Variants in ITGA11 observed in about 807,000 individuals in gnomAD.
ITGA11 encodes integrin subunit alpha 11, also known as integrin alpha-11.
Under a neutral mutation model 141.9 loss-of-function variants are expected in ITGA11, and 97 were observed. That is an observed-to-expected ratio of 0.68 (90% CI 0.58 to 0.81). The LOEUF is 0.81. Among genes scored for constraint, ITGA11 ranks in the 30% least tolerant of loss-of-function variants. The pLI, the probability that ITGA11 is intolerant of heterozygous loss-of-function variation, is 0.00. For synonymous variants in ITGA11, 658 were observed against 624.6 expected, an observed-to-expected ratio of 1.05 and a Z score of -0.80; for missense variants, 1,387 against 1,559.2, an observed-to-expected ratio of 0.89 and a Z score of 1.86.
intron 2 of ITGA11, among the ~76,000 whole-genome samples, chr15:68,380,118 T>C (rs1895821763): frequency 6.6e-6 from 1 of 152,176 alleles, no homozygotes; most frequent in African/African-American, 2.4e-5. Flanking sequence ...AATGTCAGGA[T>C]TGGCCCCAAA....
chr15:68,336,148 C>G (rs1414372428), intron 11 of ITGA11: 3 of 429,422 alleles, frequency 7.0e-6, no homozygotes, highest in African/African-American at 5.9e-5. Flanking sequence ...GCACACATCC[C>G]TCCTTCACCT....
intron 4 of ITGA11, chr15:68,362,074 G>T (rs1238322603): frequency 4.5e-5 from 8 of 176,864 alleles, no homozygotes; most frequent in African/African-American, 1.9e-4. Context: ...ACACTTCAAG[G>T]GTCACTAGAA....
At chr15:68,379,535 C>A (rs1168259617) in intron 2 of ITGA11, among the ~76,000 whole-genome samples, 1 of 152,232 alleles carries the variant, frequency 6.6e-6, no homozygotes, top group Non-Finnish European at 1.5e-5. Flanking sequence ...TGCATCTTCA[C>A]TTTGCTTCTT....
chr15:68,406,843 G>A (rs1056880195), intron 1 of ITGA11, among the ~76,000 whole-genome samples: 2 of 152,126 alleles, frequency 1.3e-5, no homozygotes, highest in South Asian at 2.1e-4. Flanking sequence ...TTCCAGGCAC[G>A]ATCCTAGGCA....
At chr15:68,357,602 C>T (rs1375149702) in intron 6 of ITGA11, among the ~76,000 whole-genome samples, 1 of 152,204 alleles carries the variant, frequency 6.6e-6, no homozygotes, top group African/African-American at 2.4e-5. Flanking sequence ...AGCAGAGAAT[C>T]AGTCTAAGTC....
At chr15:68,417,761 G>T (rs1896921218) in intron 1 of ITGA11, among the ~76,000 whole-genome samples, 1 of 152,186 alleles carries the variant, frequency 6.6e-6, no homozygotes, top group Non-Finnish European at 1.5e-5. Context: ...AGTCCCCTTT[G>T]TCTGGAACAT....
At chr15:68,363,729 CAGA>C (rs2140352422) in intron 4 of ITGA11, among the ~76,000 whole-genome samples, 1 of 152,316 alleles carries the variant, frequency 6.6e-6, no homozygotes, top group South Asian at 2.1e-4. Flanking sequence ...CCATCAGTCT[CAGA>C]AGGATCCTGT....
At chr15:68,356,922 G>A (rs1347828597) in intron 7 of ITGA11, among the ~76,000 whole-genome samples, 2 of 152,156 alleles carry the variant, frequency 1.3e-5, no homozygotes, top group South Asian at 2.1e-4. Context: ...TGACAGCCAC[G>A]TGAGAACCTT....
chr15:68,396,400 T>C (rs1032060357), intron 2 of ITGA11, among the ~76,000 whole-genome samples: 2 of 151,976 alleles, frequency 1.3e-5, no homozygotes, highest in Non-Finnish European at 2.9e-5. Context: ...TAGAAAGCTA[T>C]GAATAGAAAA....
In ITGA11 at chr15:68,427,034, A is replaced by C. The variant is rs866588570; in HGVS notation, c.52+4981T>G. On this transcript the variant is annotated intron_variant, in intron 1 of 29. Coordinates refer to ENST00000315757, the MANE Select transcript of ITGA11 (RefSeq NM_001004439.2). The stretch of plus-strand genomic sequence containing the variant: ...TCTCAAAAAAAAAAAAAAAAAAAAA[A>C]AAAAAAAGGCAGTGGCCTGGGGGTC... Among the ~76,000 whole-genome samples the C allele has an allele frequency of 4.6e-5, 7 of 150,894 alleles. No homozygotes were observed. The South Asian group carries it at 1.5e-3, about 32-fold the overall frequency.
Position 68,407,150 on chromosome 15 carries a change from G to A in ITGA11, c.53-4121C>T, listed in dbSNP as rs141966279. 5.5e-3 allele frequency among the ~76,000 whole-genome samples: 840 copies of A among 152,202 alleles called. 11 individuals carry two copies. Among genetic ancestry groups the A allele is most frequent in the African/African-American group, 0.019 (774 of 41,520 alleles). ...TGCCTTTGGGTTCCAGCAGGGAGACGCAATGGGAGGGAAAGCCAGCTGCCT... is the reference window on the plus strand; with the variant it reads ...TGCCTTTGGGTTCCAGCAGGGAGACACAATGGGAGGGAAAGCCAGCTGCCT... On this transcript the variant is annotated intron_variant, in intron 1 of 29. Coordinates refer to ENST00000315757, the MANE Select transcript of ITGA11 (RefSeq NM_001004439.2).
chr15:68,383,351 G>T (rs1895908770), intron 2 of ITGA11, among the ~76,000 whole-genome samples: 1 of 152,066 alleles, frequency 6.6e-6, no homozygotes, highest in Non-Finnish European at 1.5e-5. Context: ...TTAGAAAGAG[G>T]TATTTTATCC....
chr15:68,430,578 G>T (rs1010535206), intron 1 of ITGA11, among the ~76,000 whole-genome samples: 2 of 152,196 alleles, frequency 1.3e-5, no homozygotes, highest in Non-Finnish European at 2.9e-5. Flanking sequence ...TCACACAGGA[G>T]TGCGTCTCTT....
intron 14 of ITGA11, among the ~76,000 whole-genome samples, chr15:68,331,460 C>T (rs1224883211): frequency 1.3e-5 from 2 of 152,004 alleles, no homozygotes; most frequent in South Asian, 2.1e-4. Context: ...GGACGGGACC[C>T]GAGACGGGTT....
rs867349558 is a variant in ITGA11 at position 68,391,301 on chromosome 15, C to T, written c.164+11617G>A. Among the ~76,000 whole-genome samples the T allele has an allele frequency of 9.8e-5, 15 of 152,320 alleles. No homozygotes were observed. The South Asian group carries it at 1.0e-3, about 11-fold the overall frequency. On this transcript the variant is annotated intron_variant, in intron 2 of 29. Transcript: ENST00000315757. ...CTGCAATGGGTGGGACCCTGCCCAC[C>T]TGGGGCACCATTTCTCTCCCACAAT... is the stretch of plus-strand genomic sequence containing the variant.
chr15:68,406,866 T>C (rs1372398060), intron 1 of ITGA11, among the ~76,000 whole-genome samples: 1 of 151,892 alleles, frequency 6.6e-6, no homozygotes, highest in East Asian at 1.9e-4. Flanking sequence ...TAACCGTGAG[T>C]TTTACATTAA....
In ITGA11 at chr15:68,302,109, T is replaced by G; in HGVS notation, c.*950A>C. ...GTGTGTGTGTGTGTGTGTGTGTGTG[T>G]GTGTGTAGGGAGGGGGTGATACAGG... On this transcript the variant is annotated 3_prime_UTR_variant, in exon 30 of 30. Coordinates refer to ENST00000315757, the MANE Select transcript of ITGA11 (RefSeq NM_001004439.2). The G allele has an allele frequency of 2.7e-5, 3 of 109,770 alleles. No homozygotes were observed. The highest frequency in any genetic ancestry group is 1.1e-4 in the African/African-American group (3 of 27,922). 6.8% of individuals were successfully genotyped at this position (109,770 alleles called of 1,614,324 possible).
At chr15:68,346,082 T>C (rs1894734430) in intron 10 of ITGA11, among the ~76,000 whole-genome samples, 1 of 145,868 alleles carries the variant, frequency 6.9e-6, no homozygotes, top group Non-Finnish European at 1.5e-5. Context: ...AACTAGGGTA[T>C]GAGGAAGAGT....
chr15:68,412,479 C>T (rs962522784), intron 1 of ITGA11, among the ~76,000 whole-genome samples: 2 of 151,976 alleles, frequency 1.3e-5, no homozygotes, highest in African/African-American at 4.8e-5. Flanking sequence ...GCCAGGCACC[C>T]AACATGGATT....
Sources: gnomAD v4.1 joint callset for allele counts (sites outside exome capture counted in the v4.1 genomes callset) on GRCh38, gnomAD v4.1.1 for gene constraint, MANE v1.5 for transcripts, NCBI Gene and HGNC (gene_info 2026-07-23, HGNC 2026-07-21) for gene names.